Variants in EYS observed in about 807,000 individuals in gnomAD.
EYS encodes the protein protein eyes shut homolog.
EYS carries 250 observed loss-of-function variants against 282.1 expected under a neutral mutation model. The observed-to-expected ratio is 0.89, with a 90% CI of 0.80 to 0.98. The LOEUF (loss-of-function observed/expected upper bound fraction) is 0.98. EYS is among the 50% of genes least tolerant of loss of function. EYS has a pLI of 0.00. For synonymous variants in EYS, 1,355 were observed against 1,282.9 expected (o/e 1.06, Z -1.20); for missense variants, 4,016 against 3,709.0 (o/e 1.08, Z -2.15).
At chr6:65,353,926 CTATGG>C (rs2150327671) in intron 8 of EYS, among the ~76,000 whole-genome samples, 1 of 152,040 alleles carries the variant, frequency 6.6e-6, no homozygotes, top group African/African-American at 2.4e-5. Context: ...TTTAAAATAC[CTATGG>C]TATAAATTAA....
At chr6:65,089,904 C>CT (rs1226155812) in intron 12 of EYS, among the ~76,000 whole-genome samples, 1 of 145,254 alleles carries the variant, frequency 6.9e-6, no homozygotes, top group Admixed American at 7.0e-5. Context: ...TGCAGTAAAG[C>CT]TGAGATCACA....
chr6:64,391,023 C>A (rs975506732), intron 28 of EYS, among the ~76,000 whole-genome samples: 5 of 151,986 alleles, frequency 3.3e-5, no homozygotes, highest in African/African-American at 1.2e-4. Flanking sequence ...GAAAGGGTAT[C>A]AGTGATGGAA....
intron 31 of EYS, among the ~76,000 whole-genome samples, chr6:64,172,928 C>G (rs992750185): frequency 3.3e-5 from 5 of 152,100 alleles, no homozygotes; most frequent in Non-Finnish European, 7.4e-5. Context: ...TTCCTGCTGG[C>G]CAAGGAAAAA....
intron 15 of EYS, among the ~76,000 whole-genome samples, chr6:64,927,044 T>A (rs1185190682): frequency 1.3e-5 from 2 of 152,216 alleles, no homozygotes; most frequent in Admixed American, 1.3e-4. Context: ...TGATGGACCA[T>A]GTCTTGATGT....
At chr6:63,837,755 T>C (rs1771845746) in intron 36 of EYS, among the ~76,000 whole-genome samples, 1 of 152,174 alleles carries the variant, frequency 6.6e-6, no homozygotes. Flanking sequence ...TGTATCAATA[T>C]TTATGACTGG....
At chr6:64,992,475 A>G (rs936345414) in intron 14 of EYS, among the ~76,000 whole-genome samples, 2 of 152,058 alleles carry the variant, frequency 1.3e-5, no homozygotes, top group South Asian at 2.1e-4. Flanking sequence ...ACTAAATTCC[A>G]TAGAAACCAT....
intron 39 of EYS, among the ~76,000 whole-genome samples, chr6:63,782,660 G>C (rs1457434427): frequency 1.3e-5 from 2 of 151,900 alleles, no homozygotes; most frequent in Non-Finnish European, 2.9e-5. Context: ...TATTAGTCTT[G>C]CTAGCAGTCT....
In EYS at chr6:64,984,719, T is replaced by G. The variant is rs549368523; in HGVS notation, c.2259+12863A>C. Among the ~76,000 whole-genome samples the G allele has an allele frequency of 3.3e-5, 5 of 151,498 alleles. 1 individual carries two copies. Among genetic ancestry groups the G allele is most frequent in the African/African-American group, 1.2e-4 (5 of 41,466 alleles). The stretch of plus-strand genomic sequence containing the variant: ...TCCTACCCAATAAAGACAACTGAAC[T>G]CCCTCTGCCTTACAGTGCAGCCAGG... On this transcript the variant is annotated intron_variant, in intron 14 of 42. Coordinates refer to ENST00000503581, the MANE Select transcript of EYS (RefSeq NM_001142800.2).
chr6:64,276,505 C>T (rs1768120103), intron 30 of EYS, among the ~76,000 whole-genome samples: 1 of 152,132 alleles, frequency 6.6e-6, no homozygotes, highest in Admixed American at 6.6e-5. Flanking sequence ...GATACTGCTA[C>T]TCTGAACTTA....
chr6:64,648,833 G>A (rs1768448591), intron 22 of EYS, among the ~76,000 whole-genome samples: 1 of 152,140 alleles, frequency 6.6e-6, no homozygotes, highest in Admixed American at 6.6e-5. Flanking sequence ...TTTCAGTAAA[G>A]CTTGTGGATT....
intron 9 of EYS, among the ~76,000 whole-genome samples, chr6:65,349,259 A>C (rs528749520): frequency 3.3e-5 from 5 of 151,658 alleles, no homozygotes; most frequent in South Asian, 2.1e-4. Flanking sequence ...AATCTAATTT[A>C]ATATATGGCA....
intron 33 of EYS, among the ~76,000 whole-genome samples, chr6:64,028,898 C>T (rs769580336): frequency 5.9e-5 from 9 of 152,170 alleles, no homozygotes; most frequent in African/African-American, 9.7e-5. Flanking sequence ...AATATCTAGG[C>T]CTAATCTTAG....
intron 13 of EYS, among the ~76,000 whole-genome samples, chr6:64,998,640 C>T (rs58384714): frequency 0.01 from 1,543 of 152,254 alleles, 23 homozygotes; most frequent in African/African-American, 0.034. Flanking sequence ...GATTTTACTT[C>T]TGTTTTACTT....
Position 64,637,993 on chromosome 6 carries a change from C to G in EYS, c.3444-11748G>C, listed in dbSNP as rs147918528. On this transcript the variant is annotated intron_variant, in intron 22 of 42. Transcript: ENST00000503581. ...CCTTTTAAAAAAAAGAGAATGAATA[C>G]AACTCCACCAGGCACCCTGATGGAC... 2.2e-5 allele frequency among the ~76,000 whole-genome samples: 2 copies of G among 90,174 alleles called. 1 individual carries two copies. The highest frequency in any genetic ancestry group is 2.4e-4 in the Admixed American group (2 of 8,362). 59.2% of individuals were successfully genotyped at this position (90,174 alleles called of 152,430 possible). A position where few individuals can be genotyped will look rare whatever the true frequency, so the allele number is the denominator to read the frequency against.
chr6:63,776,525 G>A lies in EYS; in HGVS notation c.7898+1481C>T, dbSNP rs111588211. Among the ~76,000 whole-genome samples the A allele has an allele frequency of 7.0e-3, 1,068 of 152,224 alleles. 15 individuals carry two copies. The highest frequency in any genetic ancestry group is 0.024 in the South Asian group (114 of 4,820). ...GCATTGAGTAATTTAGAGGGTTTTA[G>A]TGAGGAGCAATGGAAATAATATTTT... On this transcript the variant is annotated intron_variant, in intron 40 of 42. Coordinates refer to ENST00000503581, the MANE Select transcript of EYS (RefSeq NM_001142800.2).
At chr6:64,262,499 T>C (rs1478212704) in intron 30 of EYS, among the ~76,000 whole-genome samples, 2 of 152,054 alleles carry the variant, frequency 1.3e-5, no homozygotes, top group South Asian at 2.1e-4. Context: ...TGGCACACGT[T>C]CCCTACGTTA....
At chr6:63,840,478 T>G (rs1372629015) in intron 36 of EYS, among the ~76,000 whole-genome samples, 1 of 152,114 alleles carries the variant, frequency 6.6e-6, no homozygotes, top group African/African-American at 2.4e-5. Context: ...TCTTTCATTC[T>G]GTAGGTCGTC....
intron 2 of EYS, among the ~76,000 whole-genome samples, chr6:65,556,953 T>C (rs1263351776): frequency 6.6e-6 from 1 of 152,246 alleles, no homozygotes; most frequent in Non-Finnish European, 1.5e-5. Flanking sequence ...ATTTGTATCA[T>C]AACAGTATAT....
At chr6:64,403,402 G>C (rs752463795) in intron 28 of EYS, among the ~76,000 whole-genome samples, 6 of 151,960 alleles carry the variant, frequency 3.9e-5, no homozygotes, top group Non-Finnish European at 8.8e-5. Flanking sequence ...TGTCACCCAG[G>C]GTGTAGTGCA....
Sources: gnomAD v4.1 joint callset for allele counts (sites outside exome capture counted in the v4.1 genomes callset) on GRCh38, gnomAD v4.1.1 for gene constraint, MANE v1.5 for transcripts, NCBI Gene and HGNC (gene_info 2026-07-23, HGNC 2026-07-21) for gene names.